WWOX: variants seen among roughly 807,000 people sequenced by gnomAD.
WWOX encodes WW domain containing oxidoreductase.
WWOX carries 69 observed loss-of-function variants against 46.2 expected under a neutral mutation model. The ratio of observed to expected loss-of-function variants is 1.49; its 90% confidence interval spans 1.23 to 1.82. The LOEUF is 1.82. Among genes scored for constraint, WWOX ranks in the 40% most tolerant of loss-of-function variants. WWOX has a pLI of 0.00. For synonymous variants in WWOX, 359 were observed against 202.6 expected (o/e 1.77, Z -6.56); for missense variants, 919 against 542.6 (o/e 1.69, Z -6.89).
intron 6 of WWOX, among the ~76,000 whole-genome samples, chr16:78,406,027 T>C (rs2082522970): frequency 6.6e-6 from 1 of 152,120 alleles, no homozygotes; most frequent in Admixed American, 6.5e-5. Flanking sequence ...ATTCCATCAA[T>C]AGAATGACTA....
chr16:78,919,042 C>G (rs1030312923), intron 8 of WWOX, among the ~76,000 whole-genome samples: 17 of 152,258 alleles, frequency 1.1e-4, no homozygotes, highest in Middle Eastern at 6.8e-3. Context: ...TAAGTTCAGT[C>G]ATAGCAGCCG....
intron 8 of WWOX, among the ~76,000 whole-genome samples, chr16:78,966,987 T>C (rs1253273723): frequency 6.6e-6 from 1 of 152,212 alleles, no homozygotes; most frequent in African/African-American, 2.4e-5. Context: ...TTAACATTTA[T>C]TATTGTCTCC....
At chr16:79,136,377 T>A (rs2049982035) in intron 8 of WWOX, among the ~76,000 whole-genome samples, 1 of 152,074 alleles carries the variant, frequency 6.6e-6, no homozygotes, top group Admixed American at 6.5e-5. Context: ...ATTACAGGCA[T>A]GCACCATCAC....
At chr16:78,839,939 A>G (rs191245300) in intron 8 of WWOX, among the ~76,000 whole-genome samples, 224 of 152,252 alleles carry the variant, frequency 1.5e-3, no homozygotes, top group African/African-American at 5.1e-3. Flanking sequence ...AGTTAACCAT[A>G]TATTATTAGC....
chr16:78,189,697 C>T (rs2035821143), intron 5 of WWOX, among the ~76,000 whole-genome samples: 1 of 152,054 alleles, frequency 6.6e-6, no homozygotes, highest in Non-Finnish European at 1.5e-5. Context: ...CTGTGTCTCC[C>T]AGGCTGGAGT....
At chr16:78,663,183 A>G (rs1434017009) in intron 8 of WWOX, among the ~76,000 whole-genome samples, 1 of 152,188 alleles carries the variant, frequency 6.6e-6, no homozygotes, top group Non-Finnish European at 1.5e-5. Flanking sequence ...TCTCTTGACA[A>G]CTACTCATTG....
rs115333010 is a variant in WWOX at position 78,116,707 on chromosome 16, A to G, written c.409+1553A>G. Among the ~76,000 whole-genome samples, 919 of 152,310 alleles carry G rather than the reference A, an allele frequency of 6.0e-3. 9 individuals are homozygous for G. The highest frequency in any genetic ancestry group is 0.02 in the African/African-American group (835 of 41,562). ...TATTAAGTACTGTTACAGTGAATGC[A>G]TGGACCCATACAATTGTGGAATAAT... On this transcript the variant is annotated intron_variant, in intron 4 of 8. Transcript: ENST00000566780.
At chr16:78,758,990 G>C (rs1053640297) in intron 8 of WWOX, among the ~76,000 whole-genome samples, 6 of 150,704 alleles carry the variant, frequency 4.0e-5, no homozygotes, top group Non-Finnish European at 8.8e-5. Context: ...GCATATTTTA[G>C]GTGTGTTTAA....
chr16:79,101,515 T>C (rs776988666), intron 8 of WWOX: 2 of 152,170 alleles, frequency 1.3e-5, no homozygotes, highest in African/African-American at 4.8e-5. Context: ...TATCCCAGCC[T>C]AAGGGAATGA....
chr16:79,136,740 T>A (rs537213826), intron 8 of WWOX, among the ~76,000 whole-genome samples: 2 of 152,328 alleles, frequency 1.3e-5, no homozygotes, highest in African/African-American at 4.8e-5. Context: ...CTCAGCTTCC[T>A]GACATATGGC....
At chr16:78,829,763 A>G (rs965627352) in intron 8 of WWOX, among the ~76,000 whole-genome samples, 40 of 152,332 alleles carry the variant, frequency 2.6e-4, no homozygotes, top group African/African-American at 6.3e-4. Flanking sequence ...AGAGTATCCC[A>G]AGATCCTACA....
chr16:78,644,239 G>A lies in WWOX; in HGVS notation c.1056+211487G>A, dbSNP rs549065540. Among the ~76,000 whole-genome samples the A allele has an allele frequency of 3.3e-5, 5 of 152,126 alleles. No homozygotes were observed. The East Asian group carries it at 9.7e-4, about 30-fold the overall frequency. On this transcript the variant is annotated intron_variant, in intron 8 of 8. Transcript: ENST00000566780. ...CTGTCTCAAAAATGAATGAATGAAT[G>A]AATGAATGAATGAAATACTACTTCT...
intron 8 of WWOX, among the ~76,000 whole-genome samples, chr16:79,152,183 C>G (rs2050293026): frequency 3.3e-5 from 5 of 152,162 alleles, no homozygotes; most frequent in African/African-American, 9.7e-5. Flanking sequence ...GCATCCCTCC[C>G]CCACGCGAGG....
At chr16:79,153,618 T>G (rs1457250627) in intron 8 of WWOX, among the ~76,000 whole-genome samples, 3 of 152,118 alleles carry the variant, frequency 2.0e-5, no homozygotes, top group Non-Finnish European at 2.9e-5. Context: ...ATAAAGAACC[T>G]CTAGATTTTG....
intron 8 of WWOX, among the ~76,000 whole-genome samples, chr16:79,182,356 C>T (rs1234861861): frequency 6.6e-6 from 1 of 152,100 alleles, no homozygotes; most frequent in East Asian, 1.9e-4. Flanking sequence ...TCCCTACTTC[C>T]CTTTTTAACA....
intron 8 of WWOX, among the ~76,000 whole-genome samples, chr16:78,489,353 T>C (rs1040533340): frequency 6.6e-6 from 1 of 152,160 alleles, no homozygotes; most frequent in Non-Finnish European, 1.5e-5. Flanking sequence ...TTGAGGATTT[T>C]TTTCCTCTCT....
At chr16:79,106,500 A>G (rs955369611) in intron 8 of WWOX, 1 of 150,214 alleles carries the variant, frequency 6.7e-6, no homozygotes, top group African/African-American at 2.4e-5. Context: ...CAAACTTTGG[A>G]GTATGAGTGC....
chr16:79,030,351 G>C (rs932395840), intron 8 of WWOX, among the ~76,000 whole-genome samples: 2 of 152,192 alleles, frequency 1.3e-5, no homozygotes, highest in African/African-American at 4.8e-5. Flanking sequence ...GACAAATTTA[G>C]TTGCTGCATT....
intron 8 of WWOX, among the ~76,000 whole-genome samples, chr16:78,550,080 T>G (rs1443734232): frequency 6.6e-6 from 1 of 152,240 alleles, no homozygotes; most frequent in Non-Finnish European, 1.5e-5. Flanking sequence ...GATTTAATCT[T>G]TATTTCAAAA....
Sources: gnomAD v4.1 joint callset for allele counts (sites outside exome capture counted in the v4.1 genomes callset) on GRCh38, gnomAD v4.1.1 for gene constraint, MANE v1.5 for transcripts, NCBI Gene and HGNC (gene_info 2026-07-23, HGNC 2026-07-21) for gene names.